The following MCU variants were observed in gnomAD, a reference collection of about 807,000 sequenced individuals.
MCU encodes mitochondrial calcium uniporter.
Under a neutral mutation model 45.2 loss-of-function variants are expected in MCU, and 12 were observed. That is an observed-to-expected ratio of 0.27 (90% confidence interval 0.17 to 0.43). MCU has a LOEUF of 0.43. MCU is among the 20% of genes least tolerant of loss of function. MCU has a pLI of 1.00. For synonymous variants in MCU, 160 were observed against 165.1 expected (o/e 0.97, Z 0.24); for missense variants, 324 against 436.7 (o/e 0.74, Z 2.30).
At chr10:72,748,951 A>C (rs938623089) in intron 1 of MCU, among the ~76,000 whole-genome samples, 1 of 152,160 alleles carries the variant, frequency 6.6e-6, no homozygotes. Context: ...ACTATTCCAC[A>C]CTATCAAATA....
intron 4 of MCU, 89 bp from the exon 5 acceptor site, chr10:72,868,614 A>G (rs1205010013): frequency 3.3e-6 from 4 of 1,206,044 alleles, no homozygotes; most frequent in Admixed American, 2.1e-5. Context: ...TGAGATACCT[A>G]TAATGGATGA....
intron 1 of MCU, chr10:72,730,772 T>C (rs2132684218): frequency 6.6e-6 from 1 of 152,360 alleles, no homozygotes; most frequent in African/African-American, 2.4e-5. Context: ...ATTTTTCTAA[T>C]ACTTCTTTTG....
intron 1 of MCU, chr10:72,756,457 ATTTTC>A (rs1463656836): frequency 5.3e-5 from 8 of 152,124 alleles, no homozygotes; most frequent in African/African-American, 1.7e-4. Context: ...ATACATAAAA[ATTTTC>A]TTTTGAGTCA....
At chr10:72,754,504 A>G (rs1264277774) in intron 1 of MCU, among the ~76,000 whole-genome samples, 1 of 152,202 alleles carries the variant, frequency 6.6e-6, no homozygotes, top group Non-Finnish European at 1.5e-5. Flanking sequence ...TAATCTCAGC[A>G]CTTTGGGAGG....
Position 72,726,292 on chromosome 10 carries a change from G to A in MCU, c.150+33991G>A, listed in dbSNP as rs533555292. 2.1e-5 allele frequency among the ~76,000 whole-genome samples: 3 copies of A among 143,570 alleles called. No individual in the cohort carries two copies. The East Asian group carries it at 6.4e-4, about 30-fold the overall frequency. 94.2% of individuals were successfully genotyped at this position (143,570 alleles called of 152,430 possible). A position where few individuals can be genotyped will look rare whatever the true frequency, so the allele number is the denominator to read the frequency against. ...GTGTGTGTGTGTGTGTGTGTAGTTC[G>A]TTCTGTAAAATTGGATCATATTTGC... On this transcript the variant is annotated intron_variant, in intron 1 of 7. Coordinates refer to ENST00000373053, the MANE Select transcript of MCU (RefSeq NM_138357.3).
intron 1 of MCU, among the ~76,000 whole-genome samples, chr10:72,704,238 G>C (rs1239169849): frequency 6.6e-6 from 1 of 152,140 alleles, no homozygotes; most frequent in African/African-American, 2.4e-5. Flanking sequence ...TAGCGTTGTA[G>C]ATAGAGAAAA....
chr10:72,828,706 A>G (rs1217953535), intron 1 of MCU, among the ~76,000 whole-genome samples: 2 of 152,196 alleles, frequency 1.3e-5, no homozygotes, highest in Non-Finnish European at 2.9e-5. Flanking sequence ...TTTTGACTTG[A>G]ATTTAATAAT....
intron 5 of MCU, among the ~76,000 whole-genome samples, chr10:72,869,086 A>G (rs118015950): frequency 0.029 from 4,396 of 152,310 alleles, 120 homozygotes; most frequent in Non-Finnish European, 0.04. Context: ...TTCAGTTCTA[A>G]ATGCACTGCC....
At chr10:72,832,503 C>T (rs1844892520) in intron 1 of MCU, among the ~76,000 whole-genome samples, 1 of 152,068 alleles carries the variant, frequency 6.6e-6, no homozygotes, top group Non-Finnish European at 1.5e-5. Flanking sequence ...AAAACCATTA[C>T]ATGAGGAAAA....
At chr10:72,747,317 A>G (rs1292437605) in intron 1 of MCU, among the ~76,000 whole-genome samples, 1 of 152,256 alleles carries the variant, frequency 6.6e-6, no homozygotes, top group Non-Finnish European at 1.5e-5. Context: ...ATTCTGAACC[A>G]GAAAAGTAAG....
At chr10:72,806,873 G>C (rs980583485) in intron 1 of MCU, among the ~76,000 whole-genome samples, 2 of 152,224 alleles carry the variant, frequency 1.3e-5, no homozygotes, top group African/African-American at 2.4e-5. Flanking sequence ...GCAAGGCCAT[G>C]AGGCCAGAAG....
At position 72,860,598 on chromosome 10, in the gene MCU, C is replaced by G; in HGVS notation, c.496+71C>G. On this transcript the variant is annotated intron_variant, in intron 4 of 7. Transcript: ENST00000373053. ...TTTGGAAATAACTTTATTTTTTTTC[C>G]TTGGGTAACCTTGAGAAACAGACAG... 5 of 1,177,012 alleles carry G rather than the reference C, an allele frequency of 4.2e-6. No individual in the cohort carries two copies. The South Asian group carries it at 6.3e-5, about 15-fold the overall frequency. 72.9% of individuals were successfully genotyped at this position (1,177,012 alleles called of 1,614,324 possible). A position where few individuals can be genotyped will look rare whatever the true frequency, so the allele number is the denominator to read the frequency against.
intron 3 of MCU, 186 bp from the exon 4 acceptor site, chr10:72,860,237 C>T (rs1431517423): frequency 1.8e-6 from 1 of 565,284 alleles, no homozygotes; most frequent in African/African-American, 1.9e-5. Context: ...GTTAAATCTT[C>T]ACAAACTTGA....
intron 1 of MCU, among the ~76,000 whole-genome samples, chr10:72,732,064 A>T (rs1361012274): frequency 6.6e-6 from 1 of 152,210 alleles, no homozygotes; most frequent in African/African-American, 2.4e-5. Flanking sequence ...TTTTAATCCC[A>T]CTAACAATGT....
chr10:72,801,353 C>CTTTTTTT (rs200952818), intron 1 of MCU, among the ~76,000 whole-genome samples: 2 of 100,408 alleles, frequency 2.0e-5, no homozygotes, highest in African/African-American at 6.7e-5. Flanking sequence ...ATAATGCTTT[C>CTTTTTTT]TTTTTTTTTT....
chr10:72,760,194 A>G (rs1370454173), intron 1 of MCU, among the ~76,000 whole-genome samples: 1 of 152,200 alleles, frequency 6.6e-6, no homozygotes, highest in East Asian at 1.9e-4. Flanking sequence ...ACAGGCATAT[A>G]CCATGATGCC....
intron 1 of MCU, among the ~76,000 whole-genome samples, chr10:72,710,543 G>GTTTTT (rs555887994): frequency 2.4e-5 from 2 of 84,288 alleles, no homozygotes; most frequent in African/African-American, 5.0e-5. Context: ...ATCACCTAAG[G>GTTTTT]TTTTTTTTTT....
Position 72,811,882 on chromosome 10 carries a change from T to A in MCU, c.151-22477T>A, listed in dbSNP as rs139520417. On this transcript the variant is annotated intron_variant, in intron 1 of 7. Transcript: ENST00000373053. ...ATTTTCATATACATAGAATTCTGAATGCTGTCTTTTCCTTTATTACAGATA... is the reference window on the plus strand; with the variant it reads ...ATTTTCATATACATAGAATTCTGAAAGCTGTCTTTTCCTTTATTACAGATA... Among the ~76,000 whole-genome samples, 768 of 152,310 alleles carry A rather than the reference T, an allele frequency of 5.0e-3. 37 individuals carry two copies. Among genetic ancestry groups the A allele is most frequent in the Admixed American group, 0.045 (688 of 15,290 alleles).
At chr10:72,743,184 G>A (rs892705701) in intron 1 of MCU, among the ~76,000 whole-genome samples, 1 of 151,850 alleles carries the variant, frequency 6.6e-6, no homozygotes, top group Non-Finnish European at 1.5e-5. Context: ...TGAGGCAGGT[G>A]GATTACCTGA....
Sources: allele counts gnomAD v4.1 joint callset (sites outside exome capture counted in the v4.1 genomes callset), GRCh38; gene constraint gnomAD v4.1.1; transcripts MANE v1.5; gene names NCBI Gene and HGNC (gene_info 2026-07-23, HGNC 2026-07-21).